The following RAD50 variants were observed in gnomAD, a reference collection of about 807,000 sequenced individuals.
The protein encoded by RAD50 is RAD50 double strand break repair protein.
In RAD50, 132 loss-of-function variants were observed where a neutral mutation model predicts 168.8. The observed-to-expected ratio is 0.78, with a 90% CI of 0.68 to 0.90. The LOEUF is 0.90. RAD50 is among the 40% of genes least tolerant of loss of function. The probability of loss-of-function intolerance (pLI) is 0.00; values close to 1 mark genes in which losing one functional copy is unlikely to be tolerated. For synonymous variants in RAD50, 525 were observed against 497.4 expected, an observed-to-expected ratio of 1.06 and a Z score of -0.74; for missense variants, 1,347 against 1,534.4, an observed-to-expected ratio of 0.88 and a Z score of 2.04.
At chr5:132,579,287 A>C in intron 3 of RAD50, 30 bp from the exon 4 acceptor site, 1 of 1,595,868 alleles carries the variant, frequency 6.3e-7, no homozygotes, top group Non-Finnish European at 8.6e-7. Flanking sequence ...AGGTTATTTT[A>C]CATATATTCT....
chr5:132,636,210 C>T (rs12653750), intron 21 of RAD50, among the ~76,000 whole-genome samples: 27,001 of 152,088 alleles, frequency 0.18, 2,657 homozygotes, highest in Middle Eastern at 0.25. Flanking sequence ...TTCATAAACC[C>T]GCTTCCAAAG....
intron 16 of RAD50, among the ~76,000 whole-genome samples, chr5:132,606,562 C>T (rs1011131709): frequency 1.3e-5 from 2 of 152,174 alleles, no homozygotes; most frequent in Non-Finnish European, 2.9e-5. Context: ...TGGTACCATT[C>T]CTTCTGAAAC....
At chr5:132,621,323 T>G (rs1316263134) in intron 21 of RAD50, among the ~76,000 whole-genome samples, 2 of 152,194 alleles carry the variant, frequency 1.3e-5, no homozygotes, top group Non-Finnish European at 2.9e-5. Context: ...AGCTTTAATG[T>G]GAATTGTTTT....
intron 13 of RAD50, among the ~76,000 whole-genome samples, chr5:132,599,910 A>G (rs937911844): frequency 3.9e-5 from 6 of 152,196 alleles, no homozygotes; most frequent in African/African-American, 1.4e-4. Context: ...ACCTCTGGTT[A>G]GGATACTACT....
intron 19 of RAD50, among the ~76,000 whole-genome samples, chr5:132,612,235 A>G (rs1343040345): frequency 1.3e-5 from 2 of 152,242 alleles, no homozygotes; most frequent in Non-Finnish European, 2.9e-5. Flanking sequence ...CATGCTAAGC[A>G]AAAGAAGCCA....
At chr5:132,559,222 A>G in intron 1 of RAD50, 62 bp from the exon 2 acceptor site, 1 of 1,446,998 alleles carries the variant, frequency 6.9e-7, no homozygotes, top group Admixed American at 2.1e-5. Context: ...ATGAATTCAT[A>G]TTTTATGGTA....
At chr5:132,570,960 G>T (rs116564408) in intron 2 of RAD50, among the ~76,000 whole-genome samples, 1,525 of 152,182 alleles carry the variant, frequency 0.01, 27 homozygotes, top group African/African-American at 0.035. Context: ...GCTGTTGTAG[G>T]GTTACTAATT....
chr5:132,587,418 T>C (rs961081284), intron 5 of RAD50, 144 bp from the exon 6 acceptor site: 6 of 1,260,600 alleles, frequency 4.8e-6, no homozygotes, highest in Non-Finnish European at 4.3e-6. Context: ...TCAGTTTCTC[T>C]AGGCCTGCTC....
intron 5 of RAD50, among the ~76,000 whole-genome samples, chr5:132,584,630 A>AAAGACACATGCAC (rs1750562302): frequency 6.6e-6 from 1 of 152,210 alleles, no homozygotes; most frequent in African/African-American, 2.4e-5. Flanking sequence ...ATGCTGCTAT[A>AAAGACACATGCAC]AAGACACATG....
intron 1 of RAD50, among the ~76,000 whole-genome samples, chr5:132,558,749 A>G (rs939787120): frequency 2.7e-5 from 4 of 146,472 alleles, no homozygotes; most frequent in Non-Finnish European, 3.0e-5. Flanking sequence ...AAAAGTTTCT[A>G]CAGGCTGGGC....
At chr5:132,609,911 C>T (rs1395763746) in intron 19 of RAD50, among the ~76,000 whole-genome samples, 1 of 149,940 alleles carries the variant, frequency 6.7e-6, no homozygotes, top group Non-Finnish European at 1.5e-5. Context: ...GTGTTCCTCC[C>T]CTTCTCCTAA....
chr5:132,585,591 CT>C (rs1207946233), intron 5 of RAD50, among the ~76,000 whole-genome samples: 4,519 of 113,534 alleles, frequency 0.04, 81 homozygotes, highest in East Asian at 0.054. Context: ...TGTGAGAGTT[CT>C]TTTTTTTTTT....
At position 132,642,439 on chromosome 5, in the gene RAD50, C is replaced by A; in HGVS notation, c.*75C>A. The A allele has an allele frequency of 7.9e-7, 1 of 1,272,586 alleles. No homozygotes were observed. The highest frequency in any genetic ancestry group is 1.1e-6 in the Non-Finnish European group (1 of 895,882). 78.8% of individuals were successfully genotyped at this position (1,272,586 alleles called of 1,614,324 possible). ...ATAATAAGAAACTTATTTCTCATAT[C>A]AACTTAGTCAATAAGAAAATATATT... On this transcript the variant is annotated 3_prime_UTR_variant, in exon 25 of 25. Transcript: ENST00000378823.
At chr5:132,616,884 G>C (rs1008457771) in intron 20 of RAD50, among the ~76,000 whole-genome samples, 4 of 152,088 alleles carry the variant, frequency 2.6e-5, no homozygotes, top group Admixed American at 1.3e-4. Flanking sequence ...AAAATGCCCA[G>C]GCTTTTCTAA....
chr5:132,606,122 CTAAGA>C (rs1164250409), intron 16 of RAD50, among the ~76,000 whole-genome samples: 2 of 151,930 alleles, frequency 1.3e-5, no homozygotes, highest in Non-Finnish European at 2.9e-5. Flanking sequence ...CAAGAAATAA[CTAAGA>C]TTAGAGCAGA....
chr5:132,561,952 C>T (rs1013666511), intron 2 of RAD50, among the ~76,000 whole-genome samples: 1 of 152,190 alleles, frequency 6.6e-6, no homozygotes, highest in Non-Finnish European at 1.5e-5. Flanking sequence ...GAATCGTCTC[C>T]TAACTTATTT....
Position 132,604,933 on chromosome 5 carries a change from T to C in RAD50, c.2652T>C (p.Arg884=). 6.2e-7 allele frequency: 1 copy of C among 1,614,030 alleles called. No homozygotes were observed. The highest frequency in any genetic ancestry group is 8.5e-7 in the Non-Finnish European group (1 of 1,179,898). The change falls in exon 16 of 25, where the codon CGT becomes CGC. Residue 884 remains arginine, a synonymous_variant. Coordinates refer to ENST00000378823, the MANE Select transcript of RAD50 (RefSeq NM_005732.4). The stretch of plus-strand genomic sequence containing the variant: ...AGATATCCACTAATTTGCAACGTCG[T>C]CAGCAACTGGAGGAGCAGACTGTGG... The part of the protein sequence containing the change: ...KLQISTNLQR[R]QQLEEQTVEL...
intron 2 of RAD50, among the ~76,000 whole-genome samples, chr5:132,567,253 C>T (rs940014934): frequency 6.6e-6 from 1 of 151,902 alleles, no homozygotes; most frequent in Non-Finnish European, 1.5e-5. Context: ...CACACTTATA[C>T]TCGCAAGATG....
intron 20 of RAD50, among the ~76,000 whole-genome samples, chr5:132,616,346 T>C (rs1751174883): frequency 6.6e-6 from 1 of 152,202 alleles, no homozygotes; most frequent in Admixed American, 6.5e-5. Flanking sequence ...ACTGTAGTGA[T>C]GGGCCTTAGT....
Sources: allele counts gnomAD v4.1 joint callset (sites outside exome capture counted in the v4.1 genomes callset), GRCh38; gene constraint gnomAD v4.1.1; transcripts MANE v1.5; gene names NCBI Gene and HGNC (gene_info 2026-07-23, HGNC 2026-07-21).